The following TBX5 variants were observed in gnomAD, a reference collection of about 807,000 sequenced individuals.
TBX5 encodes T-box transcription factor TBX5.
A neutral mutation model predicts 51.1 loss-of-function variants in TBX5; 8 were observed. The observed-to-expected ratio is 0.16, with a 90% confidence interval of 0.09 to 0.28. TBX5 has a LOEUF of 0.28. Ranked by LOEUF, TBX5 falls within the 10% of genes least tolerant of loss-of-function variation. The probability of loss-of-function intolerance (pLI) is 1.00; values close to 1 mark genes in which losing one functional copy is unlikely to be tolerated. For synonymous variants in TBX5, 302 were observed against 266.4 expected, an observed-to-expected ratio of 1.13 and a Z score of -1.30; for missense variants, 589 against 671.7, an observed-to-expected ratio of 0.88 and a Z score of 1.36.
intron 8 of TBX5, among the ~76,000 whole-genome samples, chr12:114,365,813 G>C (rs1171692644): frequency 2.3e-5 from 3 of 130,966 alleles, no homozygotes; most frequent in Non-Finnish European, 3.1e-5. Flanking sequence ...CTGGGTGATA[G>C]AGCAAGATCC....
At chr12:114,386,353 T>C (rs1593867341) in intron 6 of TBX5, among the ~76,000 whole-genome samples, 1 of 152,274 alleles carries the variant, frequency 6.6e-6, no homozygotes, top group Non-Finnish European at 1.5e-5. Flanking sequence ...CAGACCCAGG[T>C]GACAGAAGGC....
upstream of TBX5, chr12:114,408,149 G>C (rs1015833567): frequency 1.0e-6 from 1 of 985,302 alleles, no homozygotes; most frequent in African/African-American, 1.7e-5. Flanking sequence ...GTTTGGCTGG[G>C]GGGCAGCGGC....
intron 7 of TBX5, among the ~76,000 whole-genome samples, chr12:114,368,769 G>A (rs1869697057): frequency 1.3e-5 from 2 of 152,160 alleles, no homozygotes; most frequent in Admixed American, 6.5e-5. Flanking sequence ...TCATGTGAAA[G>A]CACACCAGAG....
At chr12:114,386,324 T>C (rs1305549017) in intron 6 of TBX5, among the ~76,000 whole-genome samples, 1 of 152,180 alleles carries the variant, frequency 6.6e-6, no homozygotes, top group Non-Finnish European at 1.5e-5. Flanking sequence ...CGCATTATAT[T>C]AGTGTGAATG....
chr12:114,385,356 T>C (rs1870751466), intron 7 of TBX5, 120 bp downstream of exon 7: 3 of 859,254 alleles, frequency 3.5e-6, no homozygotes, highest in South Asian at 1.4e-5. Context: ...CCCATTTCCA[T>C]GTGCCTGGCA....
intron 7 of TBX5, among the ~76,000 whole-genome samples, chr12:114,375,478 A>G (rs541679204): frequency 1.3e-5 from 2 of 152,190 alleles, no homozygotes; most frequent in Non-Finnish European, 2.9e-5. Context: ...TGGGCAAAAG[A>G]CCTGAATAGA....
At position 114,405,643 on chromosome 12, in the gene TBX5, C is replaced by T; in HGVS notation, c.-54G>A. The T allele has an allele frequency of 1.1e-6, 1 of 948,212 alleles. No homozygotes were observed. Among genetic ancestry groups the T allele is most frequent in the Non-Finnish European group, 1.3e-6 (1 of 796,054 alleles). 58.7% of individuals were successfully genotyped at this position (948,212 alleles called of 1,614,324 possible). A position where few individuals can be genotyped will look rare whatever the true frequency, so the allele number is the denominator to read the frequency against. ...GGACGGTTACCTCGTTCGGTGAAGC[C>T]GGTGCATTCACCACATCCTCTGCTG... On this transcript the variant is annotated 5_prime_UTR_variant, in exon 1 of 9. Transcript: ENST00000405440.
At chr12:114,379,412 C>T (rs1366394384) in intron 7 of TBX5, among the ~76,000 whole-genome samples, 1 of 152,212 alleles carries the variant, frequency 6.6e-6, no homozygotes, top group Non-Finnish European at 1.5e-5. Flanking sequence ...TGCTAGAAGA[C>T]TCCCAATGTG....
At chr12:114,400,814 G>A (rs1349987126) in intron 3 of TBX5, among the ~76,000 whole-genome samples, 2 of 152,228 alleles carry the variant, frequency 1.3e-5, no homozygotes, top group African/African-American at 4.8e-5. Flanking sequence ...TGGGCCGAGC[G>A]GGGAGCAGAC....
rs12426660 is a variant in TBX5, at chr12:114,355,148, A to G, written c.*384T>C. 6,151 of 351,096 alleles carry G rather than the reference A, an allele frequency of 0.018. 557 individuals carry two copies. The highest frequency in any genetic ancestry group is 0.17 in the Admixed American group (4,554 of 26,350). 21.7% of individuals were successfully genotyped at this position (351,096 alleles called of 1,614,324 possible). ...TGTCAACATTAACACCAAGACAGGG[A>G]CAGACTCCAACTACGCACTAGGGAA... On this transcript the variant is annotated 3_prime_UTR_variant, in exon 9 of 9. Transcript: ENST00000405440.
intron 8 of TBX5, among the ~76,000 whole-genome samples, chr12:114,362,202 G>A (rs778848290): frequency 2.6e-5 from 4 of 152,158 alleles, no homozygotes; most frequent in Non-Finnish European, 5.9e-5. Context: ...GGTCTCTGGT[G>A]CCAACTAAAT....
chr12:114,392,839 C>T (rs145322439), intron 6 of TBX5, among the ~76,000 whole-genome samples: 10 of 152,292 alleles, frequency 6.6e-5, no homozygotes, highest in Non-Finnish European at 1.2e-4. Context: ...TTGCATCTTT[C>T]AGGGCATTCG....
chr12:114,402,602 T>C (rs1871898124), intron 2 of TBX5, among the ~76,000 whole-genome samples: 1 of 152,220 alleles, frequency 6.6e-6, no homozygotes, highest in Admixed American at 6.5e-5. Context: ...TCTCTACAAG[T>C]AGTTCCATTC....
intron 7 of TBX5, among the ~76,000 whole-genome samples, chr12:114,373,065 A>G (rs889003970): frequency 6.6e-6 from 1 of 152,040 alleles, no homozygotes; most frequent in Non-Finnish European, 1.5e-5. Context: ...GTAAATATAC[A>G]TTATTATATT....
At chr12:114,363,555 T>C (rs1869355066) in intron 8 of TBX5, among the ~76,000 whole-genome samples, 1 of 152,210 alleles carries the variant, frequency 6.6e-6, no homozygotes, top group Non-Finnish European at 1.5e-5. Flanking sequence ...GAGCTCTTAA[T>C]CAGCATGTTT....
At chr12:114,400,550 A>G (rs1871742853) in intron 3 of TBX5, among the ~76,000 whole-genome samples, 1 of 152,238 alleles carries the variant, frequency 6.6e-6, no homozygotes, top group African/African-American at 2.4e-5. Context: ...TCACTCAGCG[A>G]TGGCGGGAAC....
rs749324850 is a variant in TBX5, at chr12:114,355,513, T to C, written c.*19A>G. The C allele has an allele frequency of 6.2e-7, 1 of 1,613,180 alleles. No homozygotes were observed. The highest frequency in any genetic ancestry group is 1.7e-5 in the Admixed American group (1 of 60,000). ...TCTCTCTTTCTCTAGGAAATGTCTG[T>C]TGTGAAGCAGGCCTCACTTTAGCTA... On this transcript the variant is annotated 3_prime_UTR_variant, in exon 9 of 9. Coordinates refer to ENST00000405440, the MANE Select transcript of TBX5 (RefSeq NM_181486.4).
At chr12:114,363,037 A>G (rs1317629251) in intron 8 of TBX5, among the ~76,000 whole-genome samples, 1 of 152,226 alleles carries the variant, frequency 6.6e-6, no homozygotes, top group African/African-American at 2.4e-5. Flanking sequence ...GAGCTTCACA[A>G]GGGCAGGCCT....
intron 1 of TBX5, 130 bp from the exon 2 acceptor site, chr12:114,404,066 G>T: frequency 1.1e-6 from 1 of 893,050 alleles, no homozygotes; most frequent in Non-Finnish European, 1.7e-6. Flanking sequence ...CAGCACCTCC[G>T]TTCCCAGCCG....
Sources: gnomAD v4.1 joint callset for allele counts (sites outside exome capture counted in the v4.1 genomes callset) on GRCh38, gnomAD v4.1.1 for gene constraint, MANE v1.5 for transcripts, NCBI Gene and HGNC (gene_info 2026-07-23, HGNC 2026-07-21) for gene names.